The following SMARCD1 variants were observed in gnomAD, a reference collection of about 807,000 sequenced individuals.
The protein encoded by SMARCD1 is SWI/SNF-related matrix-associated actin-dependent regulator of chromatin subfamily D member 1.
SMARCD1 carries 16 observed loss-of-function variants against 70.8 expected under a neutral mutation model. The ratio of observed to expected loss-of-function variants is 0.23; its 90% confidence interval spans 0.15 to 0.34. The LOEUF (loss-of-function observed/expected upper bound fraction) is 0.34. Among genes scored for constraint, SMARCD1 ranks in the 10% least tolerant of loss-of-function variants. The pLI, the probability that SMARCD1 is intolerant of heterozygous loss-of-function variation, is 1.00. For missense variants in SMARCD1, 409 were observed against 655.5 expected (o/e 0.62, Z 4.11); for synonymous variants, 249 against 246.0 (o/e 1.01, Z -0.11).
chr12:50,092,956 T>A (rs2137892382), intron 9 of SMARCD1, among the ~76,000 whole-genome samples: 1 of 152,014 alleles, frequency 6.6e-6, no homozygotes, highest in East Asian at 2.0e-4. Context: ...GGTGGGTGGA[T>A]CACAAGGTCA....
chr12:50,092,617 A>G (rs114211026), intron 9 of SMARCD1, among the ~76,000 whole-genome samples: 42 of 151,926 alleles, frequency 2.8e-4, no homozygotes, highest in African/African-American at 9.4e-4. Context: ...ACCTTCACTT[A>G]CACAGTAGTA....
At position 50,099,465 on chromosome 12, in the gene SMARCD1, A is replaced by G. The variant is rs1242012737; in HGVS notation, c.*465A>G. The G allele has an allele frequency of 9.9e-6, 4 of 404,614 alleles. No individual in the cohort carries two copies. The highest frequency in any genetic ancestry group is 2.1e-5 in the African/African-American group (1 of 48,664). 25.1% of individuals were successfully genotyped at this position (404,614 alleles called of 1,614,324 possible). ...TTGGCTCTCCTGATAACAGAATCCA[A>G]TTTCCTTCCTTCCCTCCACAGGTTT... On this transcript the variant is annotated 3_prime_UTR_variant, in exon 13 of 13. Coordinates refer to ENST00000394963, the MANE Select transcript of SMARCD1 (RefSeq NM_003076.5).
At chr12:50,090,622 C>T (rs79510657) in intron 9 of SMARCD1, 32 bp downstream of exon 9, 16,970 of 1,539,836 alleles carry the variant, frequency 0.011, 127 homozygotes, top group Middle Eastern at 0.037. Context: ...AGTGCTGTGC[C>T]GGAGCTGCCT....
chr12:50,096,384 G>T lies in SMARCD1; in HGVS notation c.1270-466G>T, dbSNP rs141984246. On this transcript the variant is annotated intron_variant, in intron 10 of 12. Coordinates refer to ENST00000394963, the MANE Select transcript of SMARCD1 (RefSeq NM_003076.5). The stretch of plus-strand genomic sequence containing the variant: ...GAGTATAGAAGATAGACTCTGGGCT[G>T]CAGACTGGGGACTCATTACCCTGTC... Among the ~76,000 whole-genome samples, 165 of 152,288 alleles carry T rather than the reference G, an allele frequency of 1.1e-3. 1 individual carries two copies. Among genetic ancestry groups the T allele is most frequent in the South Asian group, 1.7e-3 (8 of 4,828 alleles).
chr12:50,092,433 A>C (rs971392986), intron 9 of SMARCD1, among the ~76,000 whole-genome samples: 1 of 150,620 alleles, frequency 6.6e-6, no homozygotes. Context: ...CATGTTGGCC[A>C]GGATGGTCTC....
rs1435684678 is a variant in SMARCD1, at chr12:50,100,043, CTGCCTCACAGGATTG to C, written c.*1046_*1060del. 6.5e-6 allele frequency: 1 copy of C among 152,790 alleles called. No individual in the cohort carries two copies. The highest frequency in any genetic ancestry group is 1.9e-4 in the East Asian group (1 of 5,194). The allele number at this position is 152,790 out of a possible 1,614,324, so 9.5% of individuals were successfully genotyped here. Reference sequence around the variant, plus strand: ...TTGGGTTTGTGACTCTTCCCTCTCCCTGCCTCACAGGATTGTGACTCCCCAGCCCCTGCCCTCAAA... The same window carrying C: ...TTGGGTTTGTGACTCTTCCCTCTCCCTGACTCCCCAGCCCCTGCCCTCAAA... On this transcript the variant is annotated 3_prime_UTR_variant, in exon 13 of 13. Coordinates refer to ENST00000394963, the MANE Select transcript of SMARCD1 (RefSeq NM_003076.5).
rs1348905082 is a variant in SMARCD1 at position 50,100,128 on chromosome 12, C to T, written c.*1128C>T. On this transcript the variant is annotated 3_prime_UTR_variant, in exon 13 of 13. Coordinates refer to ENST00000394963, the MANE Select transcript of SMARCD1 (RefSeq NM_003076.5). ...GCAGCAGGACCTTGTGATCTTGGCC[C>T]CTTGGATCTGAGATGGTTTTTGCAT... 2 of 152,676 alleles carry T rather than the reference C, an allele frequency of 1.3e-5. No homozygotes were observed. Among genetic ancestry groups the T allele is most frequent in the Non-Finnish European group, 2.9e-5 (2 of 68,094 alleles). The allele number at this position is 152,676 out of a possible 1,614,324, so 9.5% of individuals were successfully genotyped here.
At chr12:50,098,685 C>T (rs1565743227) in intron 11 of SMARCD1, 29 bp from the exon 12 acceptor site, 2 of 1,548,774 alleles carry the variant, frequency 1.3e-6, no homozygotes, top group Non-Finnish European at 1.8e-6. Context: ...CCTCTCTCTT[C>T]CTCCACCCTG....
intron 10 of SMARCD1, chr12:50,096,600 A>C: frequency 2.5e-6 from 1 of 404,078 alleles, no homozygotes; most frequent in Non-Finnish European, 4.5e-6. Flanking sequence ...CTTTGCCCAT[A>C]GTGGGCAATG....
chr12:50,095,749 AAG>A (rs1192497987), intron 10 of SMARCD1, among the ~76,000 whole-genome samples: 1 of 152,116 alleles, frequency 6.6e-6, no homozygotes, highest in East Asian at 1.9e-4. Context: ...AGGTCCAGAG[AAG>A]AGAGAGAGAG....
At chr12:50,086,585 C>T in intron 2 of SMARCD1, 36 bp from the exon 3 acceptor site, 5 of 1,603,550 alleles carry the variant, frequency 3.1e-6, no homozygotes, top group Non-Finnish European at 4.3e-6. Flanking sequence ...CTGACTAGTT[C>T]TGTCCCAACC....
intron 9 of SMARCD1, among the ~76,000 whole-genome samples, chr12:50,092,525 T>G (rs1039430198): frequency 1.9e-4 from 12 of 61,568 alleles, no homozygotes; most frequent in African/African-American, 4.8e-4. Context: ...CCCGGTGGGC[T>G]TTTTTTTTTT....
intron 9 of SMARCD1, among the ~76,000 whole-genome samples, chr12:50,091,013 A>G (rs370239676): frequency 2.0e-5 from 3 of 151,634 alleles, no homozygotes; most frequent in African/African-American, 7.3e-5. Context: ...TTTAGTAGAG[A>G]TGGGGTTTCA....
At chr12:50,092,524 CTTTT>C (rs71441318) in intron 9 of SMARCD1, among the ~76,000 whole-genome samples, 2 of 136,320 alleles carry the variant, frequency 1.5e-5, no homozygotes, top group African/African-American at 5.5e-5. Flanking sequence ...ACCCGGTGGG[CTTTT>C]TTTTTTTTTT....
At chr12:50,091,195 A>G (rs1950840397) in intron 9 of SMARCD1, among the ~76,000 whole-genome samples, 1 of 151,194 alleles carries the variant, frequency 6.6e-6, no homozygotes, top group South Asian at 2.1e-4. Flanking sequence ...TGGCGGAAAT[A>G]TGATATAATG....
At chr12:50,096,998 G>A (rs773128406) in intron 11 of SMARCD1, 26 bp downstream of exon 11, 2 of 1,596,692 alleles carry the variant, frequency 1.3e-6, no homozygotes, top group Admixed American at 1.7e-5. Context: ...GAGGTCTGAA[G>A]GGACTTAGGT....
chr12:50,097,356 G>A (rs1274891548), intron 11 of SMARCD1, among the ~76,000 whole-genome samples: 1 of 152,088 alleles, frequency 6.6e-6, no homozygotes, highest in Non-Finnish European at 1.5e-5. Flanking sequence ...TTTGAGACCA[G>A]CCTGGCCAAC....
At chr12:50,090,857 C>G (rs1950836362) in intron 9 of SMARCD1, among the ~76,000 whole-genome samples, 1 of 115,284 alleles carries the variant, frequency 8.7e-6, no homozygotes, top group South Asian at 3.3e-4. Context: ...CAGAGTCTCA[C>G]TCTGTTGCCC....
At chr12:50,095,646 CAAAGTGGGT>C (rs1027810848) in intron 10 of SMARCD1, among the ~76,000 whole-genome samples, 26 of 152,084 alleles carry the variant, frequency 1.7e-4, no homozygotes, top group African/African-American at 6.0e-4. Flanking sequence ...TCTTGAAGGA[CAAAGTGGGT>C]GTTAATGAAA....
Sources: allele counts gnomAD v4.1 joint callset (sites outside exome capture counted in the v4.1 genomes callset), GRCh38; gene constraint gnomAD v4.1.1; transcripts MANE v1.5; gene names NCBI Gene and HGNC (gene_info 2026-07-23, HGNC 2026-07-21).